Variants in RALGAPA2 observed in about 807,000 individuals in gnomAD.
RALGAPA2 encodes the protein ral GTPase-activating protein subunit alpha-2.
RALGAPA2 carries 139 observed loss-of-function variants against 230.4 expected under a neutral mutation model. The observed-to-expected ratio is 0.60, with a 90% confidence interval of 0.53 to 0.69. The LOEUF (loss-of-function observed/expected upper bound fraction) is 0.69, where lower values mean the gene tolerates loss of function less well. Among genes scored for constraint, RALGAPA2 ranks in the 30% least tolerant of loss-of-function variants. The pLI is 0.00. For missense variants in RALGAPA2, 2,163 were observed against 2,276.0 expected (o/e 0.95, Z 1.01); for synonymous variants, 847 against 837.8 (o/e 1.01, Z -0.19).
intron 1 of RALGAPA2, among the ~76,000 whole-genome samples, chr20:20,699,440 T>A (rs1378703110): frequency 6.6e-6 from 1 of 152,202 alleles, no homozygotes; most frequent in Non-Finnish European, 1.5e-5. Context: ...TATTAGATAC[T>A]ATAGAGTCCA....
At chr20:20,412,000 T>C (rs1371467700) in intron 38 of RALGAPA2, 27 bp downstream of exon 38, 23 of 1,613,326 alleles carry the variant, frequency 1.4e-5, no homozygotes, top group Non-Finnish European at 2.0e-5. Flanking sequence ...CTTAAGCGCG[T>C]GAGAGAAGAA....
chr20:20,647,329 G>T (rs949369217), intron 4 of RALGAPA2, among the ~76,000 whole-genome samples: 1 of 152,108 alleles, frequency 6.6e-6, no homozygotes, highest in Non-Finnish European at 1.5e-5. Flanking sequence ...AAGCAAGAAA[G>T]AGAGAAACTC....
chr20:20,557,898 T>TC (rs1282933269), intron 23 of RALGAPA2, among the ~76,000 whole-genome samples: 2 of 152,202 alleles, frequency 1.3e-5, no homozygotes, highest in Admixed American at 6.5e-5. Flanking sequence ...CCAAGCATCG[T>TC]CCTGTTCCTT....
intron 4 of RALGAPA2, among the ~76,000 whole-genome samples, chr20:20,645,719 T>C (rs115811866): frequency 1.5e-3 from 225 of 152,202 alleles, no homozygotes; most frequent in African/African-American, 5.2e-3. Flanking sequence ...ACTGCTAGGG[T>C]TCAAATCTAG....
In RALGAPA2 at chr20:20,526,431, T is replaced by TA. The variant is rs1408669630; in HGVS notation, c.3583-70dup. On this transcript the variant is annotated intron_variant, in intron 27 of 39. Transcript: ENST00000202677. ...AGGTGTATCGTTCTTAAGGACAAAA[T>TA]AGTTATTTCTTCTCAGTTCCTTATA... 5 of 1,020,070 alleles carry TA rather than the reference T, an allele frequency of 4.9e-6. No homozygotes were observed. The East Asian group carries it at 1.3e-4, about 26-fold the overall frequency. The allele number at this position is 1,020,070 out of a possible 1,614,324, so 63.2% of individuals were successfully genotyped here. A position where few individuals can be genotyped will look rare whatever the true frequency, so the allele number is the denominator to read the frequency against.
chr20:20,445,926 A>G (rs1464149184), intron 37 of RALGAPA2, among the ~76,000 whole-genome samples: 1 of 152,234 alleles, frequency 6.6e-6, no homozygotes, highest in Admixed American at 6.5e-5. Context: ...TGCTAGCACT[A>G]AACAATGCAC....
Position 20,409,220 on chromosome 20 carries a change from G to A in RALGAPA2, c.5617+2807C>T, listed in dbSNP as rs565421206. ...GCTTCAGGCACAGGCCATTCCCACC[G>A]AGTGCATCTCCCACTTTTACTTCAG... On this transcript the variant is annotated intron_variant, in intron 38 of 39. Coordinates refer to ENST00000202677, the MANE Select transcript of RALGAPA2 (RefSeq NM_020343.4). 1.1e-4 allele frequency among the ~76,000 whole-genome samples: 16 copies of A among 152,292 alleles called. No homozygotes were observed. The South Asian group carries it at 2.1e-3, about 20-fold the overall frequency.
intron 35 of RALGAPA2, among the ~76,000 whole-genome samples, chr20:20,496,476 T>A (rs543479226): frequency 2.0e-4 from 31 of 152,202 alleles, no homozygotes; most frequent in Admixed American, 6.5e-5. Context: ...CCCTCTGACA[T>A]CTTCTGGGAA....
At chr20:20,448,642 G>A (rs921663090) in intron 37 of RALGAPA2, among the ~76,000 whole-genome samples, 3 of 152,044 alleles carry the variant, frequency 2.0e-5, no homozygotes, top group East Asian at 1.9e-4. Context: ...GCAATTCTAC[G>A]AAAAGATATT....
chr20:20,609,535 A>ACC (rs2065917156), intron 14 of RALGAPA2, among the ~76,000 whole-genome samples: 1 of 152,154 alleles, frequency 6.6e-6, no homozygotes, highest in Non-Finnish European at 1.5e-5. Context: ...CAACCAACCA[A>ACC]AAACAAAACA....
chr20:20,531,631 T>A lies in RALGAPA2; in HGVS notation c.3582+56A>T, dbSNP rs6035645. ...AGATGGGGCTAATTCAAACTCAAAC[T>A]GTTAAATGCCTCAGATATGGCTTAA... On this transcript the variant is annotated intron_variant, in intron 27 of 39. Transcript: ENST00000202677. The A allele has an allele frequency of 2.2e-6, 3 of 1,360,792 alleles. No individual in the cohort carries two copies. In the African/African-American group the frequency reaches 4.3e-5, roughly 20 times the overall value. 84.3% of individuals were successfully genotyped at this position (1,360,792 alleles called of 1,614,324 possible).
rs571323826 is a variant in RALGAPA2 at position 20,701,315 on chromosome 20, AT to A, written c.106+11059del. 8.3e-4 allele frequency among the ~76,000 whole-genome samples: 123 copies of A among 148,862 alleles called. 1 individual carries two copies. The highest frequency in any genetic ancestry group is 6.8e-3 in the Middle Eastern group (2 of 292). Reference sequence around the variant, plus strand: ...CTGTTCAGCACATAAAAAGTACTAAATAAATATTATTATTATTGAAATAAGG... The same window carrying A: ...CTGTTCAGCACATAAAAAGTACTAAAAAATATTATTATTATTGAAATAAGG... On this transcript the variant is annotated intron_variant, in intron 1 of 39. Transcript: ENST00000202677.
rs563268198 is a variant in RALGAPA2 at position 20,511,103 on chromosome 20, C to T, written c.4928+151G>A. 2.0e-4 allele frequency: 258 copies of T among 1,285,808 alleles called. No individual in the cohort carries two copies. In the South Asian group the frequency reaches 3.4e-3, roughly 17 times the overall value. 79.6% of individuals were successfully genotyped at this position (1,285,808 alleles called of 1,614,324 possible). The stretch of plus-strand genomic sequence containing the variant: ...TATTCCTTATAGTAAAAAACACCAA[C>T]GGTATGGCATGCGCAAATGTCACCA... On this transcript the variant is annotated intron_variant, in intron 33 of 39. Coordinates refer to ENST00000202677, the MANE Select transcript of RALGAPA2 (RefSeq NM_020343.4).
intron 35 of RALGAPA2, among the ~76,000 whole-genome samples, chr20:20,501,917 G>C (rs1232375609): frequency 6.6e-6 from 1 of 152,124 alleles, no homozygotes; most frequent in Non-Finnish European, 1.5e-5. Context: ...CGGCCGGTGG[G>C]TGGAGCAGTC....
intron 37 of RALGAPA2, among the ~76,000 whole-genome samples, chr20:20,425,262 A>T (rs1260997590): frequency 6.6e-6 from 1 of 152,236 alleles, no homozygotes; most frequent in Non-Finnish European, 1.5e-5. Context: ...AAATCAGACT[A>T]GGCTCAGGCA....
chr20:20,639,323 C>T (rs1407524726), intron 7 of RALGAPA2, among the ~76,000 whole-genome samples: 1 of 152,200 alleles, frequency 6.6e-6, no homozygotes, highest in Non-Finnish European at 1.5e-5. Context: ...CACAAATCTC[C>T]TATTAAAATC....
In RALGAPA2 at chr20:20,578,670, T is replaced by C. The variant is rs554091222; in HGVS notation, c.2707+4380A>G. On this transcript the variant is annotated intron_variant, in intron 20 of 39. Coordinates refer to ENST00000202677, the MANE Select transcript of RALGAPA2 (RefSeq NM_020343.4). ...TAAGCTAGGCACAGTGTTAAAGAAATGTAGCCTCGGTCTCTGAAAAAAATT... is the reference window on the plus strand; with the variant it reads ...TAAGCTAGGCACAGTGTTAAAGAAACGTAGCCTCGGTCTCTGAAAAAAATT... Among the ~76,000 whole-genome samples, 13 of 152,258 alleles carry C rather than the reference T, an allele frequency of 8.5e-5. No homozygotes were observed. The South Asian group carries it at 2.3e-3, about 27-fold the overall frequency.
intron 7 of RALGAPA2, among the ~76,000 whole-genome samples, chr20:20,637,814 A>G (rs2066904280): frequency 6.6e-6 from 1 of 152,228 alleles, no homozygotes; most frequent in African/African-American, 2.4e-5. Flanking sequence ...GTAATTATCT[A>G]ACATTCCTTG....
intron 4 of RALGAPA2, among the ~76,000 whole-genome samples, chr20:20,648,536 A>T (rs796567740): frequency 6.7e-6 from 1 of 150,358 alleles, no homozygotes; most frequent in Non-Finnish European, 1.5e-5. Context: ...CCCCATAAAT[A>T]TTTTTTTTTT....
Sources: allele counts gnomAD v4.1 joint callset (sites outside exome capture counted in the v4.1 genomes callset), GRCh38; gene constraint gnomAD v4.1.1; transcripts MANE v1.5; gene names NCBI Gene and HGNC (gene_info 2026-07-23, HGNC 2026-07-21).